COL4A1: variants seen among roughly 807,000 people sequenced by gnomAD.
COL4A1 encodes collagen type IV alpha 1 chain, also known as collagen alpha-1(IV) chain.
Under a neutral mutation model 216.6 loss-of-function variants are expected in COL4A1, and 40 were observed. That is an observed-to-expected ratio of 0.18 (90% CI 0.14 to 0.24). COL4A1 has a LOEUF of 0.24. Ranked by LOEUF, COL4A1 falls within the 10% of genes least tolerant of loss-of-function variation. COL4A1 has a pLI of 1.00. For synonymous variants in COL4A1, 839 were observed against 810.7 expected (o/e 1.03, Z -0.59); for missense variants, 1,628 against 2,196.8 (o/e 0.74, Z 5.18).
chr13:110,268,228 T>C lies in COL4A1; in HGVS notation c.85-25494A>G, dbSNP rs1185442100. On this transcript the variant is annotated intron_variant, in intron 1 of 51. Coordinates refer to ENST00000375820, the MANE Select transcript of COL4A1 (RefSeq NM_001845.6). The surrounding 1 kb of genome is among the most constrained non-coding windows in gnomAD (Gnocchi z 4.1). ...GTGTCCTGCCTCAGAGCACCGGCACTGCCAGTCCAAAACCAGGAAAGGCAT... is the reference window on the plus strand; with the variant it reads ...GTGTCCTGCCTCAGAGCACCGGCACCGCCAGTCCAAAACCAGGAAAGGCAT... Among the ~76,000 whole-genome samples, 1 of 152,210 alleles carries C rather than the reference T, an allele frequency of 6.6e-6. No individual in the cohort carries two copies. The highest frequency in any genetic ancestry group is 2.4e-5 in the African/African-American group (1 of 41,452).
At chr13:110,296,346 A>C (rs1054644634) in intron 1 of COL4A1, among the ~76,000 whole-genome samples, 5 of 152,356 alleles carry the variant, frequency 3.3e-5, no homozygotes, top group Admixed American at 6.5e-5. Context: ...GATTGTTTGA[A>C]TATCATTATA....
At chr13:110,298,930 A>T (rs1884385721) in intron 1 of COL4A1, 1 of 152,424 alleles carries the variant, frequency 6.6e-6, no homozygotes, top group South Asian at 2.1e-4. Context: ...TGCTCCAGGC[A>T]CCGCTGTGCT....
At chr13:110,225,694 T>G (rs1335869987) in intron 2 of COL4A1, among the ~76,000 whole-genome samples, 2 of 152,210 alleles carry the variant, frequency 1.3e-5, no homozygotes, top group Admixed American at 6.5e-5. Context: ...GAATCTTAAT[T>G]TCAAATGACT....
intron 8 of COL4A1, 143 bp from the exon 9 acceptor site, chr13:110,210,355 A>T: frequency 1.3e-6 from 1 of 788,274 alleles, no homozygotes; most frequent in Non-Finnish European, 2.1e-6. Context: ...ACTGGAAATC[A>T]ATAGCCTGGC....
intron 31 of COL4A1, among the ~76,000 whole-genome samples, chr13:110,178,645 T>C (rs563678276): frequency 1.3e-4 from 20 of 152,252 alleles, no homozygotes; most frequent in Middle Eastern, 3.4e-3. Context: ...AAAGATAATA[T>C]AGAGACATCA....
intron 1 of COL4A1, among the ~76,000 whole-genome samples, chr13:110,276,647 T>C (rs1159637838): frequency 6.6e-6 from 1 of 152,168 alleles, no homozygotes; most frequent in Non-Finnish European, 1.5e-5. Flanking sequence ...GTAGGCAAAA[T>C]AACATTCAAA....
chr13:110,160,075 T>C (rs1876997871), intron 49 of COL4A1, among the ~76,000 whole-genome samples: 1 of 152,200 alleles, frequency 6.6e-6, no homozygotes, highest in South Asian at 2.1e-4. Flanking sequence ...CACTACACTG[T>C]GCACTGAAAA....
chr13:110,174,041 C>A (rs1459390524), intron 39 of COL4A1, 43 bp from the exon 40 acceptor site: 1 of 1,603,290 alleles, frequency 6.2e-7, no homozygotes, highest in Non-Finnish European at 8.5e-7. Flanking sequence ...TAACCTCTCA[C>A]AGCACCCTAG....
intron 2 of COL4A1, among the ~76,000 whole-genome samples, chr13:110,226,471 G>A (rs1264423445): frequency 6.6e-6 from 1 of 152,102 alleles, no homozygotes; most frequent in Non-Finnish European, 1.5e-5. Flanking sequence ...TCTTATCACT[G>A]ATAACATTTT....
At chr13:110,183,841 GC>G (rs897234902) in intron 26 of COL4A1, among the ~76,000 whole-genome samples, 2 of 152,212 alleles carry the variant, frequency 1.3e-5, no homozygotes, top group Admixed American at 6.5e-5. Flanking sequence ...AGGAAGCACA[GC>G]CCCGGCCCTC....
At chr13:110,246,234 C>A (rs1185986024) in intron 1 of COL4A1, among the ~76,000 whole-genome samples, 1 of 151,584 alleles carries the variant, frequency 6.6e-6, no homozygotes, top group Non-Finnish European at 1.5e-5. Context: ...TAAATAAAAT[C>A]TATTTTAAAA....
chr13:110,202,232 C>A (rs902064801), intron 18 of COL4A1, among the ~76,000 whole-genome samples: 14 of 140,106 alleles, frequency 1.0e-4, no homozygotes, highest in South Asian at 2.2e-4. Context: ...ATGAGAGGAA[C>A]ACTCTTAAAA....
chr13:110,201,853 A>T (rs1462195186), intron 18 of COL4A1, among the ~76,000 whole-genome samples: 2 of 152,164 alleles, frequency 1.3e-5, no homozygotes, highest in Non-Finnish European at 2.9e-5. Flanking sequence ...GTGGTGGCAT[A>T]TGCCTGTAAT....
chr13:110,192,316 C>G lies in COL4A1; in HGVS notation c.1466-32G>C, dbSNP rs759252181. ...TGAGAGAGAGGGAAAAAGACAGCAA[C>G]ACAGCATTCATGAGACACTTCTCAA... On this transcript the variant is annotated intron_variant, in intron 23 of 51. Transcript: ENST00000375820. 1.9e-6 allele frequency: 3 copies of G among 1,599,146 alleles called. No homozygotes were observed. In the Admixed American group the frequency reaches 5.0e-5, roughly 27 times the overall value.
Position 110,276,583 on chromosome 13 carries a change from A to G in COL4A1, c.84+30361T>C, listed in dbSNP as rs1478052680. Among the ~76,000 whole-genome samples the G allele has an allele frequency of 5.9e-5, 9 of 152,312 alleles. 1 individual carries two copies. In the South Asian group the frequency reaches 6.2e-4, roughly 11 times the overall value. ...AATCCAAATATTACAGGCAATAATT[A>G]ATTTCTCAGTATCAATTTCTATGCA... On this transcript the variant is annotated intron_variant, in intron 1 of 51. Coordinates refer to ENST00000375820, the MANE Select transcript of COL4A1 (RefSeq NM_001845.6).
At chr13:110,288,874 A>G (rs370932968) in intron 1 of COL4A1, among the ~76,000 whole-genome samples, 9 of 152,150 alleles carry the variant, frequency 5.9e-5, no homozygotes, top group Middle Eastern at 3.2e-3. Flanking sequence ...TCTACTAAAA[A>G]TACAAAAATT....
rs1594575843 is a variant in COL4A1 at position 110,201,457 on chromosome 13, T to C, written c.1065A>G (p.Arg355=). Residue 355 remains arginine (R), a synonymous_variant, in exon 19 of 52, where the codon AGA becomes AGG. Coordinates refer to ENST00000375820, the MANE Select transcript of COL4A1 (RefSeq NM_001845.6). ...AGCTACCTTTTGGGCCTGGCTCTCC[T>C]CTTGGCCCCGGAGTTCCAGGGTAGC... ...ERGYPGTPGP[R]GEPGPKGFPG... is the part of the protein sequence containing the mutation. 1 of 1,613,910 alleles carries C rather than the reference T, an allele frequency of 6.2e-7. No individual in the cohort carries two copies. The highest frequency in any genetic ancestry group is 1.1e-5 in the South Asian group (1 of 91,070).
chr13:110,224,548 C>A (rs1248150649), intron 2 of COL4A1, among the ~76,000 whole-genome samples: 2 of 152,202 alleles, frequency 1.3e-5, no homozygotes, highest in Non-Finnish European at 2.9e-5. Flanking sequence ...GTCTTGAACT[C>A]CTGACCTCAG....
intron 2 of COL4A1, among the ~76,000 whole-genome samples, chr13:110,231,709 A>AGG: frequency 6.6e-6 from 1 of 152,182 alleles, no homozygotes; most frequent in African/African-American, 2.4e-5. Flanking sequence ...GGATGAGTGG[A>AGG]CATTGGTTCT....
Sources: allele counts gnomAD v4.1 joint callset (sites outside exome capture counted in the v4.1 genomes callset), GRCh38; gene constraint gnomAD v4.1.1; non-coding constraint Gnocchi (gnomAD v3.1); transcripts MANE v1.5; gene names NCBI Gene and HGNC (gene_info 2026-07-23, HGNC 2026-07-21).